Variants in MPPED2 observed in about 807,000 individuals in gnomAD.
MPPED2 encodes the protein metallophosphoesterase domain containing 2.
MPPED2 carries 5 observed loss-of-function variants against 33.0 expected under a neutral mutation model. The observed-to-expected ratio is 0.15, with a 90% CI of 0.08 to 0.32. The LOEUF is 0.32. MPPED2 is among the 10% of genes least tolerant of loss of function. MPPED2 has a pLI of 1.00. For synonymous variants in MPPED2, 136 were observed against 141.9 expected, an observed-to-expected ratio of 0.96 and a Z score of 0.29; for missense variants, 275 against 372.1, an observed-to-expected ratio of 0.74 and a Z score of 2.15.
intron 4 of MPPED2, among the ~76,000 whole-genome samples, chr11:30,425,827 C>A (rs1449451682): frequency 6.6e-6 from 1 of 152,222 alleles, no homozygotes; most frequent in East Asian, 1.9e-4. Context: ...AGTGAGAATT[C>A]TTCAAAGAGG....
intron 2 of MPPED2, among the ~76,000 whole-genome samples, chr11:30,543,200 T>A (rs1431085576): frequency 6.6e-6 from 1 of 152,228 alleles, no homozygotes; most frequent in Non-Finnish European, 1.5e-5. Flanking sequence ...TAAAGGTTCC[T>A]CATTCTCAAG....
At chr11:30,493,414 A>G (rs921855744) in intron 4 of MPPED2, among the ~76,000 whole-genome samples, 2 of 152,034 alleles carry the variant, frequency 1.3e-5, no homozygotes, top group African/African-American at 4.8e-5. Context: ...TTTAACTTAC[A>G]GAGGACAAGC....
intron 1 of MPPED2, among the ~76,000 whole-genome samples, chr11:30,585,707 G>A (rs1372248784): frequency 2.0e-5 from 3 of 152,142 alleles, no homozygotes; most frequent in Non-Finnish European, 4.4e-5. Flanking sequence ...GGGACTGATG[G>A]CTGGAGGGGG....
rs1951558235 is a variant in MPPED2, at chr11:30,482,998, GGCACATACA to G, written c.536+12289_536+12297del. Among the ~76,000 whole-genome samples the G allele has an allele frequency of 1.3e-5, 2 of 151,994 alleles. 1 individual carries two copies. Among genetic ancestry groups the G allele is most frequent in the Admixed American group, 1.3e-4 (2 of 15,256 alleles). ...TTTCCCTTCAATAGTAATCTTGAAC[GGCACATACA>G]GTGTGAATGTAGCAAGGCACTCAAT... is the stretch of plus-strand genomic sequence containing the variant. On this transcript the variant is annotated intron_variant, in intron 4 of 6. Transcript: ENST00000358117.
intron 2 of MPPED2, among the ~76,000 whole-genome samples, chr11:30,564,200 A>G (rs11031139): frequency 6.6e-6 from 1 of 152,224 alleles, no homozygotes; most frequent in East Asian, 1.9e-4. Context: ...AATTGACCCC[A>G]AGGTAATCAT....
In MPPED2 at chr11:30,410,311, A is replaced by G. The variant is rs1400023938; in HGVS notation, c.*1157T>C. 1 of 985,382 alleles carries G rather than the reference A, an allele frequency of 1.0e-6. No individual in the cohort carries two copies. Among genetic ancestry groups the G allele is most frequent in the African/African-American group, 1.7e-5 (1 of 57,238 alleles). 61.0% of individuals were successfully genotyped at this position (985,382 alleles called of 1,614,324 possible). ...TTTAAAGAAACAACTGCTTTCCTAA[A>G]TTTCATTAACAAAGTAACATAAAAT... On this transcript the variant is annotated 3_prime_UTR_variant, in exon 7 of 7. Transcript: ENST00000358117.
In MPPED2 at chr11:30,493,538, T is replaced by C. The variant is rs76850941; in HGVS notation, c.536+1758A>G. ...CTTTTCTGTATTAAGTGAGTAAAGG[T>C]GAGTTCTTCTGCTCTACATACACAC... On this transcript the variant is annotated intron_variant, in intron 4 of 6. Coordinates refer to ENST00000358117, the MANE Select transcript of MPPED2 (RefSeq NM_001584.3). Among the ~76,000 whole-genome samples the C allele has an allele frequency of 2.1e-4, 32 of 151,826 alleles. No individual in the cohort carries two copies. In the East Asian group the frequency reaches 6.2e-3, roughly 30 times the overall value.
intron 4 of MPPED2, among the ~76,000 whole-genome samples, chr11:30,431,357 C>T (rs1949069907): frequency 6.6e-6 from 1 of 152,216 alleles, no homozygotes; most frequent in South Asian, 2.1e-4. Flanking sequence ...GCTTTAACAC[C>T]TCCAAAGGTG....
intron 2 of MPPED2, among the ~76,000 whole-genome samples, chr11:30,555,917 A>T (rs1955944175): frequency 6.6e-6 from 1 of 152,120 alleles, no homozygotes; most frequent in Non-Finnish European, 1.5e-5. Flanking sequence ...TCCCATACTG[A>T]CATGTTCTTT....
intron 4 of MPPED2, among the ~76,000 whole-genome samples, chr11:30,480,509 A>G (rs895104644): frequency 2.0e-5 from 3 of 151,984 alleles, no homozygotes; most frequent in Admixed American, 2.0e-4. Context: ...GACATAATAC[A>G]CTCTTGTTAA....
Position 30,411,024 on chromosome 11 carries a change from A to G in MPPED2, c.*444T>C, listed in dbSNP as rs946771938. 2.0e-6 allele frequency: 2 copies of G among 985,946 alleles called. No individual in the cohort carries two copies. The highest frequency in any genetic ancestry group is 3.5e-5 in the African/African-American group (2 of 57,378). The allele number at this position is 985,946 out of a possible 1,614,324, so 61.1% of individuals were successfully genotyped here. A position where few individuals can be genotyped will look rare whatever the true frequency, so the allele number is the denominator to read the frequency against. ...CATCTGCAAAAAAGAAGCATTACCA[A>G]GAAAACAACAACAACAAAACATTGA... On this transcript the variant is annotated 3_prime_UTR_variant, in exon 7 of 7. Transcript: ENST00000358117.
At chr11:30,543,864 A>G (rs1955269495) in intron 2 of MPPED2, among the ~76,000 whole-genome samples, 1 of 149,488 alleles carries the variant, frequency 6.7e-6, no homozygotes, top group Non-Finnish European at 1.5e-5. Flanking sequence ...ATGCCCCAGA[A>G]CAGTAATGGT....
At chr11:30,415,876 T>C (rs951581949) in intron 5 of MPPED2, among the ~76,000 whole-genome samples, 2 of 152,238 alleles carry the variant, frequency 1.3e-5, no homozygotes, top group Non-Finnish European at 2.9e-5. Flanking sequence ...TGTAAATGTT[T>C]CTCTGCTGAA....
intron 3 of MPPED2, among the ~76,000 whole-genome samples, chr11:30,516,419 C>T (rs533770400): frequency 9.2e-5 from 14 of 152,148 alleles, no homozygotes; most frequent in Admixed American, 7.2e-4. Flanking sequence ...GGCTAAAGGA[C>T]GTAGCATTTC....
At chr11:30,479,071 G>A (rs760792585) in intron 4 of MPPED2, among the ~76,000 whole-genome samples, 28 of 152,184 alleles carry the variant, frequency 1.8e-4, no homozygotes, top group South Asian at 4.2e-4. Flanking sequence ...TTTTCCCAGA[G>A]GGCCTGGACA....
intron 6 of MPPED2, among the ~76,000 whole-genome samples, chr11:30,402,865 C>T (rs1032654428): frequency 3.3e-5 from 5 of 152,194 alleles, no homozygotes; most frequent in Admixed American, 2.0e-4. Context: ...ACACAGATTC[C>T]ATTCATAAGA....
chr11:30,563,797 A>G (rs1046450591), intron 2 of MPPED2, among the ~76,000 whole-genome samples: 2 of 152,252 alleles, frequency 1.3e-5, no homozygotes, highest in African/African-American at 4.8e-5. Flanking sequence ...AGGATTCAAG[A>G]TCAGCCAGCA....
chr11:30,450,294 A>G (rs1224096974), intron 4 of MPPED2, among the ~76,000 whole-genome samples: 1 of 152,232 alleles, frequency 6.6e-6, no homozygotes, highest in African/African-American at 2.4e-5. Context: ...TGGGGTTCCA[A>G]GAGTCCTACT....
intron 4 of MPPED2, chr11:30,451,726 A>T: frequency 1.0e-6 from 1 of 976,300 alleles, no homozygotes; most frequent in Non-Finnish European, 1.2e-6. Flanking sequence ...AAAGAATACA[A>T]CTGTTTTCTG....
Sources: gnomAD v4.1 joint callset for allele counts (sites outside exome capture counted in the v4.1 genomes callset) on GRCh38, gnomAD v4.1.1 for gene constraint, MANE v1.5 for transcripts, NCBI Gene and HGNC (gene_info 2026-07-23, HGNC 2026-07-21) for gene names.